Variants in ANKRD31 observed in about 807,000 individuals in gnomAD.
ANKRD31 encodes ankyrin repeat domain 31, also known as ankyrin repeat domain-containing protein 31.
ANKRD31 carries 147 observed loss-of-function variants against 186.0 expected under a neutral mutation model. The observed-to-expected ratio is 0.79, with a 90% confidence interval of 0.69 to 0.91. ANKRD31 has a LOEUF of 0.91. Ranked by LOEUF, ANKRD31 falls within the 40% of genes least tolerant of loss-of-function variation. The pLI is 0.00. For synonymous variants in ANKRD31, 673 were observed against 736.4 expected (o/e 0.91, Z 1.39); for missense variants, 1,986 against 2,148.8 (o/e 0.92, Z 1.50).
chr5:75,164,680 C>T (rs914632952), intron 11 of ANKRD31, among the ~76,000 whole-genome samples: 2 of 152,158 alleles, frequency 1.3e-5, no homozygotes, highest in Non-Finnish European at 2.9e-5. Flanking sequence ...TCCCTTCCTC[C>T]GTACCTTTTT....
chr5:75,222,812 T>C (rs1371841661), intron 2 of ANKRD31, among the ~76,000 whole-genome samples: 1 of 152,226 alleles, frequency 6.6e-6, no homozygotes, highest in African/African-American at 2.4e-5. Context: ...TAGTATTTCA[T>C]GGTGTATATG....
intron 25 of ANKRD31, among the ~76,000 whole-genome samples, chr5:75,079,711 G>T (rs1389262189): frequency 6.6e-6 from 1 of 152,078 alleles, no homozygotes. Context: ...CCTGACCACA[G>T]GTGATCCACC....
chr5:75,211,238 G>C (rs1042033168), intron 3 of ANKRD31, among the ~76,000 whole-genome samples: 4 of 152,118 alleles, frequency 2.6e-5, no homozygotes, highest in Non-Finnish European at 4.4e-5. Flanking sequence ...TCATATAAGA[G>C]ATACAAAATT....
chr5:75,074,875 G>A (rs1490019991), intron 25 of ANKRD31, among the ~76,000 whole-genome samples: 1 of 152,118 alleles, frequency 6.6e-6, no homozygotes, highest in Non-Finnish European at 1.5e-5. Flanking sequence ...ATTCAGCAAA[G>A]TTAGAGCTAA....
intron 16 of ANKRD31, among the ~76,000 whole-genome samples, chr5:75,138,571 G>A (rs989894395): frequency 6.6e-6 from 1 of 152,130 alleles, no homozygotes; most frequent in Non-Finnish European, 1.5e-5. Flanking sequence ...TAAACTTGAG[G>A]CTTCCAAGGA....
chr5:75,151,359 C>A (rs1751827269), intron 12 of ANKRD31, among the ~76,000 whole-genome samples: 1 of 151,942 alleles, frequency 6.6e-6, no homozygotes, highest in Admixed American at 6.6e-5. Flanking sequence ...AATTGTATCT[C>A]CCATAATCCC....
At position 75,087,283 on chromosome 5, in the gene ANKRD31, G is replaced by C. The variant is rs535682742; in HGVS notation, c.5473-2909C>G. ...CCCCAGCACTTTGGGAGGCCGATGT[G>C]GGGGGATCCCCTGAGGTCAGGAGTT... On this transcript the variant is annotated intron_variant, in intron 23 of 25. Coordinates refer to ENST00000506364, the MANE Select transcript of ANKRD31 (RefSeq NM_001372053.1). Among the ~76,000 whole-genome samples the C allele has an allele frequency of 1.4e-4, 22 of 152,144 alleles. No homozygotes were observed. The South Asian group carries it at 4.4e-3, about 30-fold the overall frequency.
chr5:75,125,185 GAA>G (rs2150097299), intron 17 of ANKRD31, among the ~76,000 whole-genome samples: 1 of 152,258 alleles, frequency 6.6e-6, no homozygotes, highest in South Asian at 2.1e-4. Flanking sequence ...TTTAGAGAGT[GAA>G]AAGACAGCAG....
Position 75,196,141 on chromosome 5 carries a change from T to C in ANKRD31, c.507A>G (p.Thr169=). ...CCTTTACAGCAACTGTATCAGATAC[T>C]GTAATAGCAGTGCCTGAGAGAAGGC... ...EVSLLSGTAI[T]VSDTVAVKET... is the part of the protein sequence containing the mutation. Residue 169 remains threonine, a synonymous_variant, in exon 7 of 26, where the codon ACA becomes ACG. Coordinates refer to ENST00000506364, the MANE Select transcript of ANKRD31 (RefSeq NM_001372053.1). 1 of 1,525,652 alleles carries C rather than the reference T, an allele frequency of 6.6e-7. No homozygotes were observed. The highest frequency in any genetic ancestry group is 8.7e-7 in the Non-Finnish European group (1 of 1,143,320). The allele number at this position is 1,525,652 out of a possible 1,614,324, so 94.5% of individuals were successfully genotyped here. A position where few individuals can be genotyped will look rare whatever the true frequency, so the allele number is the denominator to read the frequency against.
chr5:75,166,107 G>A (rs758510631), intron 11 of ANKRD31, among the ~76,000 whole-genome samples: 2 of 152,116 alleles, frequency 1.3e-5, no homozygotes, highest in African/African-American at 4.8e-5. Flanking sequence ...AACAAAATCA[G>A]TTCATGTTCT....
intron 4 of ANKRD31, among the ~76,000 whole-genome samples, chr5:75,207,791 A>T (rs1402578688): frequency 6.6e-6 from 1 of 152,102 alleles, no homozygotes; most frequent in Non-Finnish European, 1.5e-5. Flanking sequence ...ATGCTATATT[A>T]GTCTTCCTTA....
chr5:75,214,157 T>C (rs1048253236), intron 3 of ANKRD31, among the ~76,000 whole-genome samples: 3 of 152,250 alleles, frequency 2.0e-5, no homozygotes, highest in African/African-American at 7.2e-5. Context: ...TGGTACCATC[T>C]GTGTACTGCT....
At chr5:75,079,715 A>G (rs1744935242) in intron 25 of ANKRD31, among the ~76,000 whole-genome samples, 2 of 152,138 alleles carry the variant, frequency 1.3e-5, no homozygotes, top group South Asian at 4.1e-4. Context: ...ACCACAGGTG[A>G]TCCACCCACC....
chr5:75,108,945 A>G (rs1176194770), intron 20 of ANKRD31, among the ~76,000 whole-genome samples: 1 of 152,216 alleles, frequency 6.6e-6, no homozygotes, highest in African/African-American at 2.4e-5. Context: ...AATATTCTGT[A>G]TGTTTCTCTA....
intron 5 of ANKRD31, among the ~76,000 whole-genome samples, chr5:75,202,093 C>T (rs1755858400): frequency 6.6e-6 from 1 of 152,208 alleles, no homozygotes; most frequent in Non-Finnish European, 1.5e-5. Flanking sequence ...ATTGATGTCT[C>T]ATGTCTCCCT....
chr5:75,185,241 G>A (rs886611840), intron 10 of ANKRD31, among the ~76,000 whole-genome samples: 2 of 152,038 alleles, frequency 1.3e-5, no homozygotes, highest in Non-Finnish European at 2.9e-5. Context: ...GGAAGAGACG[G>A]TCAATGGGTA....
intron 17 of ANKRD31, among the ~76,000 whole-genome samples, chr5:75,136,419 G>T (rs140915155): frequency 6.6e-6 from 1 of 152,032 alleles, no homozygotes; most frequent in Non-Finnish European, 1.5e-5. Context: ...AAAAAAGCTC[G>T]TCATCACTGG....
At chr5:75,134,335 A>G (rs1580402116) in intron 17 of ANKRD31, among the ~76,000 whole-genome samples, 1 of 152,208 alleles carries the variant, frequency 6.6e-6, no homozygotes, top group East Asian at 1.9e-4. Flanking sequence ...AGGTGATATC[A>G]CCACCGATTC....
At chr5:75,074,239 A>G (rs1290937751) in intron 25 of ANKRD31, among the ~76,000 whole-genome samples, 1 of 152,204 alleles carries the variant, frequency 6.6e-6, no homozygotes, top group African/African-American at 2.4e-5. Context: ...AGTTTCTTAC[A>G]GAACAGTTTC....
Sources: allele counts gnomAD v4.1 joint callset (sites outside exome capture counted in the v4.1 genomes callset), GRCh38; gene constraint gnomAD v4.1.1; transcripts MANE v1.5; gene names NCBI Gene and HGNC (gene_info 2026-07-23, HGNC 2026-07-21).